PLPPR1: variants seen among roughly 807,000 people sequenced by gnomAD.
PLPPR1 encodes phospholipid phosphatase-related protein type 1.
In PLPPR1, 10 loss-of-function variants were observed where a neutral mutation model predicts 33.1. That is an observed-to-expected ratio of 0.30 (90% CI 0.19 to 0.51). PLPPR1 has a LOEUF of 0.51. PLPPR1 is among the 20% of genes least tolerant of loss of function. The pLI, the probability that PLPPR1 is intolerant of heterozygous loss-of-function variation, is 0.97. For synonymous variants in PLPPR1, 151 were observed against 151.0 expected (o/e 1.00, Z 0.00); for missense variants, 304 against 408.1 (o/e 0.74, Z 2.20).
At chr9:101,075,030 G>A (rs1185754612) in intron 1 of PLPPR1, among the ~76,000 whole-genome samples, 1 of 152,184 alleles carries the variant, frequency 6.6e-6, no homozygotes, top group Non-Finnish European at 1.5e-5. Context: ...GACAACAGTT[G>A]CGGGAAACTG....
At chr9:101,261,890 C>T (rs565837495) in intron 2 of PLPPR1, among the ~76,000 whole-genome samples, 10 of 152,046 alleles carry the variant, frequency 6.6e-5, no homozygotes, top group Admixed American at 2.0e-4. Context: ...TTTATACCTA[C>T]GTGATGAAAT....
At chr9:101,031,608 C>T (rs1829946778) in intron 1 of PLPPR1, among the ~76,000 whole-genome samples, 2 of 152,168 alleles carry the variant, frequency 1.3e-5, no homozygotes, top group Non-Finnish European at 2.9e-5. Flanking sequence ...TGGTCCCAAT[C>T]ATCAAGGTAA....
chr9:101,134,610 C>T (rs1169054820), intron 1 of PLPPR1, among the ~76,000 whole-genome samples: 1 of 152,102 alleles, frequency 6.6e-6, no homozygotes, highest in Non-Finnish European at 1.5e-5. Context: ...TCTTGAACTC[C>T]TGAGCTCAAG....
chr9:101,286,520 A>G (rs1161775161), intron 4 of PLPPR1, among the ~76,000 whole-genome samples: 2 of 152,156 alleles, frequency 1.3e-5, no homozygotes, highest in African/African-American at 2.4e-5. Flanking sequence ...ACCTTTTAGC[A>G]GAGTCAGGCA....
chr9:101,200,985 A>AT (rs1212829083), intron 2 of PLPPR1, among the ~76,000 whole-genome samples: 1 of 152,148 alleles, frequency 6.6e-6, no homozygotes, highest in Non-Finnish European at 1.5e-5. Context: ...ACAGAAAAGT[A>AT]TTTTTCATGG....
At chr9:101,286,560 C>T (rs141263669) in intron 4 of PLPPR1, among the ~76,000 whole-genome samples, 10 of 152,146 alleles carry the variant, frequency 6.6e-5, no homozygotes, top group Non-Finnish European at 1.0e-4. Context: ...CATCAGGGGA[C>T]GCCAATAAAA....
intron 2 of PLPPR1, among the ~76,000 whole-genome samples, chr9:101,188,768 AT>A (rs1021830882): frequency 2.9e-4 from 44 of 152,222 alleles, no homozygotes; most frequent in African/African-American, 1.0e-3. Context: ...AAATATACAT[AT>A]TTGACAACAC....
At chr9:101,198,187 C>T (rs1221551686) in intron 2 of PLPPR1, among the ~76,000 whole-genome samples, 2 of 152,096 alleles carry the variant, frequency 1.3e-5, no homozygotes, top group South Asian at 2.1e-4. Flanking sequence ...CCCACTGATA[C>T]TCAGTCTTTG....
intron 7 of PLPPR1, chr9:101,322,649 G>T (rs542812511): frequency 6.6e-6 from 1 of 152,214 alleles, no homozygotes; most frequent in African/African-American, 2.4e-5. Flanking sequence ...TCACCTAGTT[G>T]ATTACATGTA....
intron 1 of PLPPR1, among the ~76,000 whole-genome samples, chr9:101,109,788 T>A (rs896414436): frequency 6.6e-5 from 10 of 152,200 alleles, no homozygotes; most frequent in Admixed American, 1.3e-4. Context: ...TTTGGAGTAT[T>A]TGAGTACGAC....
chr9:101,200,711 C>G (rs766889594), intron 2 of PLPPR1, among the ~76,000 whole-genome samples: 2 of 152,136 alleles, frequency 1.3e-5, no homozygotes, highest in Non-Finnish European at 2.9e-5. Context: ...CCTACCCAAC[C>G]AACGCATTTT....
At chr9:101,124,275 G>T (rs538731948) in intron 1 of PLPPR1, among the ~76,000 whole-genome samples, 1 of 152,224 alleles carries the variant, frequency 6.6e-6, no homozygotes, top group South Asian at 2.1e-4. Flanking sequence ...GTTGCAGAAG[G>T]ATGAAGGTCC....
At chr9:101,193,233 A>G (rs2987735) in intron 2 of PLPPR1, among the ~76,000 whole-genome samples, 109,257 of 152,000 alleles carry the variant, frequency 0.72, 39,882 homozygotes, top group Non-Finnish European at 0.78. Flanking sequence ...GTTAGACTCC[A>G]AGGGAAGGAC....
At chr9:101,242,409 T>C (rs1827493122) in intron 2 of PLPPR1, among the ~76,000 whole-genome samples, 1 of 152,002 alleles carries the variant, frequency 6.6e-6, no homozygotes, top group Non-Finnish European at 1.5e-5. Flanking sequence ...ATCTTCCATC[T>C]TTGTGTTTTA....
intron 1 of PLPPR1, among the ~76,000 whole-genome samples, chr9:101,035,495 T>C (rs1829999225): frequency 6.6e-6 from 1 of 152,190 alleles, no homozygotes; most frequent in African/African-American, 2.4e-5. Context: ...TGCTGTTCCC[T>C]CTTTCTGGAA....
chr9:101,035,771 T>A (rs1389072286), intron 1 of PLPPR1, among the ~76,000 whole-genome samples: 3 of 151,952 alleles, frequency 2.0e-5, no homozygotes, highest in Non-Finnish European at 4.4e-5. Flanking sequence ...AACTTCATAT[T>A]ATAGAAAATC....
intron 4 of PLPPR1, among the ~76,000 whole-genome samples, chr9:101,300,491 G>T (rs1226765298): frequency 3.9e-5 from 6 of 152,162 alleles, no homozygotes; most frequent in African/African-American, 1.4e-4. Flanking sequence ...AGAACATAAT[G>T]AAATTGTTTA....
chr9:101,141,868 G>C (rs1460892027), intron 1 of PLPPR1, among the ~76,000 whole-genome samples: 1 of 152,044 alleles, frequency 6.6e-6, no homozygotes, highest in East Asian at 1.9e-4. Flanking sequence ...CCCCACCCCA[G>C]ATCAACCCCA....
chr9:101,058,711 C>T (rs115738576), intron 1 of PLPPR1, among the ~76,000 whole-genome samples: 14 of 152,110 alleles, frequency 9.2e-5, no homozygotes, highest in Middle Eastern at 3.4e-3. Flanking sequence ...TGCTTAATTA[C>T]GGGGCAGCCC....
Sources: allele counts gnomAD v4.1 joint callset (sites outside exome capture counted in the v4.1 genomes callset), GRCh38; gene constraint gnomAD v4.1.1; transcripts MANE v1.5; gene names NCBI Gene and HGNC (gene_info 2026-07-23, HGNC 2026-07-21).